Variants in SLMAP observed in about 807,000 individuals in gnomAD.
SLMAP encodes the protein sarcolemmal membrane-associated protein.
Under a neutral mutation model 128.8 loss-of-function variants are expected in SLMAP, and 44 were observed. The observed-to-expected ratio is 0.34, with a 90% CI of 0.27 to 0.44. The LOEUF is 0.44. SLMAP is among the 20% of genes least tolerant of loss of function. The pLI, the probability that SLMAP is intolerant of heterozygous loss-of-function variation, is 1.00. For synonymous variants in SLMAP, 327 were observed against 348.8 expected, an observed-to-expected ratio of 0.94 and a Z score of 0.70; for missense variants, 787 against 985.3, an observed-to-expected ratio of 0.80 and a Z score of 2.69.
At chr3:57,853,958 TATATATATATATATATATATATATATATA>T (rs2094612496) in intron 6 of SLMAP, among the ~76,000 whole-genome samples, 4 of 51,862 alleles carry the variant, frequency 7.7e-5, no homozygotes, top group Admixed American at 2.1e-4. Context: ...AAAAAAATTA[TATATATATATATATATATATATATATATA>T]TATATATATA....
chr3:57,760,284 T>C (rs1445858238), intron 2 of SLMAP, among the ~76,000 whole-genome samples: 3 of 152,224 alleles, frequency 2.0e-5, no homozygotes, highest in Non-Finnish European at 4.4e-5. Flanking sequence ...ATGGTAGATA[T>C]GGCTTATTTC....
At chr3:57,796,213 G>C (rs1489113204) in intron 2 of SLMAP, among the ~76,000 whole-genome samples, 1 of 152,140 alleles carries the variant, frequency 6.6e-6, no homozygotes, top group African/African-American at 2.4e-5. Context: ...TAAGTGTTCT[G>C]CTCTTTTTTG....
chr3:57,767,882 T>C (rs957118353), intron 2 of SLMAP, among the ~76,000 whole-genome samples: 6 of 152,342 alleles, frequency 3.9e-5, no homozygotes, highest in Admixed American at 2.6e-4. Flanking sequence ...TCTAAGCTAT[T>C]GCTTTTTGAT....
At chr3:57,824,685 A>G (rs973799965) in intron 2 of SLMAP, among the ~76,000 whole-genome samples, 1 of 152,190 alleles carries the variant, frequency 6.6e-6, no homozygotes, top group Non-Finnish European at 1.5e-5. Flanking sequence ...GGAAATATGC[A>G]TCTTCCAACT....
chr3:57,863,964 T>G (rs1282271916), intron 10 of SLMAP, among the ~76,000 whole-genome samples: 1 of 151,808 alleles, frequency 6.6e-6, no homozygotes, highest in Non-Finnish European at 1.5e-5. Context: ...AAAAATACGA[T>G]TTTTTTTTCC....
chr3:57,904,938 G>A (rs1379323176), intron 17 of SLMAP, among the ~76,000 whole-genome samples: 3 of 152,130 alleles, frequency 2.0e-5, no homozygotes, highest in Admixed American at 1.3e-4. Context: ...ATGGTGGCAC[G>A]TGCCTGCAGT....
Position 57,831,542 on chromosome 3 carries a change from G to A in SLMAP, c.346+12G>A, listed in dbSNP as rs1166938205. On this transcript the variant is annotated intron_variant, in intron 3 of 24. Coordinates refer to ENST00000671191, the MANE Select transcript of SLMAP (RefSeq NM_001377540.1). ...GAATACACGGAAAGGTACGGGTATG[G>A]ATCACTTTTTTTATTACTTGTCTTT... 1.4e-6 allele frequency: 2 copies of A among 1,461,750 alleles called. No homozygotes were observed. Among genetic ancestry groups the A allele is most frequent in the East Asian group, 5.0e-5 (2 of 40,050 alleles). The allele number at this position is 1,461,750 out of a possible 1,614,324, so 90.5% of individuals were successfully genotyped here.
At chr3:57,774,197 CAG>C in intron 2 of SLMAP, among the ~76,000 whole-genome samples, 1 of 152,132 alleles carries the variant, frequency 6.6e-6, no homozygotes, top group East Asian at 1.9e-4. Flanking sequence ...TGTGTGGAGG[CAG>C]AGTTTTAAGA....
At position 57,871,604 on chromosome 3, in the gene SLMAP, T is replaced by C. The variant is rs1187358177; in HGVS notation, c.1238-32T>C. 1.3e-6 allele frequency: 2 copies of C among 1,578,820 alleles called. 1 individual carries two copies. Among genetic ancestry groups the C allele is most frequent in the Admixed American group, 3.4e-5 (2 of 59,694 alleles). On this transcript the variant is annotated intron_variant, in intron 13 of 24. Transcript: ENST00000671191. ...TTGGTTTTCAAAGACAGCAACAAAC[T>C]ATATCCTTAAAGGTGTTTCTTTCTT...
chr3:57,791,082 G>A (rs971405389), intron 2 of SLMAP, among the ~76,000 whole-genome samples: 7 of 152,128 alleles, frequency 4.6e-5, no homozygotes, highest in South Asian at 2.1e-4. Context: ...TTGGATGGAC[G>A]CGTTGGCTTA....
At chr3:57,821,217 C>G (rs1577042888) in intron 2 of SLMAP, among the ~76,000 whole-genome samples, 1 of 152,300 alleles carries the variant, frequency 6.6e-6, no homozygotes, top group Non-Finnish European at 1.5e-5. Context: ...TATCTCAGTT[C>G]CCATGTAGAA....
chr3:57,869,640 A>ATAT (rs1553900360), intron 13 of SLMAP, among the ~76,000 whole-genome samples: 46 of 127,214 alleles, frequency 3.6e-4, no homozygotes, highest in Admixed American at 2.5e-3. Context: ...TTATATATAT[A>ATAT]TATATATATA....
In SLMAP at chr3:57,757,697, C is replaced by G; in HGVS notation, c.46C>G (p.Pro16Ala). 1 of 1,614,146 alleles carries G rather than the reference C, an allele frequency of 6.2e-7. No individual in the cohort carries two copies. Among genetic ancestry groups the G allele is most frequent in the Non-Finnish European group, 8.5e-7 (1 of 1,180,044 alleles). The stretch of plus-strand genomic sequence containing the variant: ...CTTCACTTGCCGCCCGAACTCGCAC[C>G]CGTTTCAGGAGCGTCATGTCTACCT... ...AIFTCRPNSH[P>A]FQERHVYLDE... The change falls in exon 2 of 25, where the codon CCG (proline) becomes GCG (alanine). Residue 16 changes from proline (P) to alanine (A), a missense_variant. Physicochemically the swap from Pro to Ala is conservative, Grantham distance 27. Around this residue, in one of 2 missense-constraint regions of SLMAP, gnomAD observed 72 missense variants for 141.8 expected, o/e 0.51. Coordinates refer to ENST00000671191, the MANE Select transcript of SLMAP (RefSeq NM_001377540.1).
chr3:57,761,447 A>T lies in SLMAP; in HGVS notation c.198+3598A>T, dbSNP rs567918644. Reference sequence around the variant, plus strand: ...GTAGCTGAGATTACAGGCATTCATCACCATGCCTGGCTAATTTTTGTATTT... The same window carrying T: ...GTAGCTGAGATTACAGGCATTCATCTCCATGCCTGGCTAATTTTTGTATTT... On this transcript the variant is annotated intron_variant, in intron 2 of 24. Transcript: ENST00000671191. Among the ~76,000 whole-genome samples, 13 of 151,734 alleles carry T rather than the reference A, an allele frequency of 8.6e-5. No individual in the cohort carries two copies. In the South Asian group the frequency reaches 2.7e-3, roughly 32 times the overall value.
chr3:57,918,654 A>G (rs1389828870), intron 22 of SLMAP, among the ~76,000 whole-genome samples: 1 of 152,202 alleles, frequency 6.6e-6, no homozygotes, highest in Non-Finnish European at 1.5e-5. Context: ...GCTATATACT[A>G]TAACTAAAAT....
At chr3:57,843,039 G>C (rs747966324) in intron 4 of SLMAP, among the ~76,000 whole-genome samples, 1 of 152,078 alleles carries the variant, frequency 6.6e-6, no homozygotes, top group Admixed American at 6.6e-5. Context: ...AAAGAACTTG[G>C]CATAGTACTT....
chr3:57,821,178 A>C (rs750656811), intron 2 of SLMAP, among the ~76,000 whole-genome samples: 5 of 152,182 alleles, frequency 3.3e-5, no homozygotes, highest in Non-Finnish European at 5.9e-5. Context: ...TGTCTTTCAT[A>C]ATCTTATCTC....
intron 2 of SLMAP, among the ~76,000 whole-genome samples, chr3:57,760,720 TA>T (rs879442621): frequency 3.7e-3 from 524 of 143,294 alleles, no homozygotes; most frequent in Non-Finnish European, 3.4e-3. Flanking sequence ...CCCTGTCTCT[TA>T]AAAAAAAAAA....
chr3:57,815,775 T>G (rs2091776089), intron 2 of SLMAP, among the ~76,000 whole-genome samples: 1 of 152,136 alleles, frequency 6.6e-6, no homozygotes, highest in Admixed American at 6.5e-5. Context: ...CCAGCCTTTT[T>G]ATTTCTCTAT....
Sources: allele counts gnomAD v4.1 joint callset (sites outside exome capture counted in the v4.1 genomes callset), GRCh38; gene constraint gnomAD v4.1.1; regional missense constraint gnomAD v4.1.1; transcripts MANE v1.5; gene names NCBI Gene and HGNC (gene_info 2026-07-23, HGNC 2026-07-21).